DCC: variants seen among roughly 807,000 people sequenced by gnomAD.
DCC encodes netrin receptor DCC.
In DCC, 58 loss-of-function variants were observed where a neutral mutation model predicts 172.5. The observed-to-expected ratio is 0.34, with a 90% CI of 0.27 to 0.42. DCC has a LOEUF of 0.42. Ranked by LOEUF, DCC falls within the 10% of genes least tolerant of loss-of-function variation. DCC has a pLI of 1.00. For synonymous variants in DCC, 709 were observed against 644.5 expected (o/e 1.10, Z -1.52); for missense variants, 1,740 against 1,791.0 (o/e 0.97, Z 0.51).
At chr18:52,971,778 A>G (rs954112660) in intron 5 of DCC, among the ~76,000 whole-genome samples, 5 of 152,178 alleles carry the variant, frequency 3.3e-5, no homozygotes, top group Non-Finnish European at 7.3e-5. Flanking sequence ...GGCAGAGAGA[A>G]GTCAAGTTGT....
intron 5 of DCC, among the ~76,000 whole-genome samples, chr18:52,985,089 C>A (rs1394794917): frequency 6.6e-6 from 1 of 151,886 alleles, no homozygotes; most frequent in Non-Finnish European, 1.5e-5. Flanking sequence ...GGTTCTAATT[C>A]GTGTTGTTGA....
chr18:52,929,724 A>C (rs139165586), intron 5 of DCC, among the ~76,000 whole-genome samples: 12 of 152,098 alleles, frequency 7.9e-5, no homozygotes, highest in African/African-American at 2.6e-4. Flanking sequence ...TGACATGTTT[A>C]TGGTTTAAAA....
chr18:53,329,310 A>G lies in DCC; in HGVS notation c.2164+7153A>G, dbSNP rs2057505285. On this transcript the variant is annotated intron_variant, in intron 14 of 28. Coordinates refer to ENST00000442544, the MANE Select transcript of DCC (RefSeq NM_005215.4). ...TTGGCAAGAAAAACTTTAAAAATTC[A>G]TAACATTTTATTACAAAAGGAAAGA... 2.6e-5 allele frequency among the ~76,000 whole-genome samples: 4 copies of G among 152,230 alleles called. No homozygotes were observed. In the South Asian group the frequency reaches 8.3e-4, roughly 32 times the overall value.
intron 12 of DCC, among the ~76,000 whole-genome samples, chr18:53,232,876 C>T (rs140747868): frequency 3.3e-5 from 5 of 152,184 alleles, no homozygotes; most frequent in East Asian, 3.9e-4. Context: ...CTAATGTCTC[C>T]GCTCTCAATA....
chr18:52,765,032 C>A (rs1164502665), intron 2 of DCC, among the ~76,000 whole-genome samples: 4 of 133,846 alleles, frequency 3.0e-5, no homozygotes, highest in Non-Finnish European at 6.2e-5. Context: ...TCTTTTTTTT[C>A]TTTTTTTTTT....
At chr18:53,358,135 T>C (rs936831832) in intron 15 of DCC, among the ~76,000 whole-genome samples, 28 of 152,172 alleles carry the variant, frequency 1.8e-4, no homozygotes, top group African/African-American at 6.5e-4. Flanking sequence ...ATATGGAATC[T>C]AATGAATCCA....
At chr18:52,363,675 G>A (rs1173414743) in intron 1 of DCC, among the ~76,000 whole-genome samples, 9 of 152,168 alleles carry the variant, frequency 5.9e-5, no homozygotes, top group Admixed American at 5.9e-4. Context: ...ATATATTTAA[G>A]CCATTTTCAG....
intron 8 of DCC, among the ~76,000 whole-genome samples, chr18:53,159,057 T>C (rs1467094400): frequency 6.6e-6 from 1 of 151,416 alleles, no homozygotes; most frequent in African/African-American, 2.4e-5. Context: ...AGATTATTCA[T>C]TACTGTGAAG....
chr18:53,459,810 C>T (rs1034573058), intron 24 of DCC, among the ~76,000 whole-genome samples: 1 of 152,004 alleles, frequency 6.6e-6, no homozygotes, highest in Non-Finnish European at 1.5e-5. Flanking sequence ...AAATTTGAAG[C>T]CATCTGTACA....
At chr18:53,386,322 T>A (rs1459198054) in intron 16 of DCC, among the ~76,000 whole-genome samples, 184 bp downstream of exon 16, 1 of 152,210 alleles carries the variant, frequency 6.6e-6, no homozygotes, top group African/African-American at 2.4e-5. Flanking sequence ...CACATATGCA[T>A]GCATTTTTTT....
intron 15 of DCC, among the ~76,000 whole-genome samples, chr18:53,351,461 AGT>A (rs200958306): frequency 0.051 from 1,258 of 24,722 alleles, 112 homozygotes; most frequent in East Asian, 0.26. Flanking sequence ...ATATATACAC[AGT>A]GTGTATATAT....
intron 5 of DCC, among the ~76,000 whole-genome samples, chr18:52,942,011 T>G (rs2040472002): frequency 6.6e-6 from 1 of 152,068 alleles, no homozygotes; most frequent in Non-Finnish European, 1.5e-5. Flanking sequence ...TAGAACTTCT[T>G]ACCTCAGGTG....
intron 1 of DCC, among the ~76,000 whole-genome samples, chr18:52,634,915 T>G (rs2144887116): frequency 6.6e-6 from 1 of 152,308 alleles, no homozygotes; most frequent in East Asian, 1.9e-4. Flanking sequence ...TGGAAACTAC[T>G]CCAATAATTC....
chr18:53,039,773 G>C (rs1156305715), intron 5 of DCC, among the ~76,000 whole-genome samples: 1 of 151,956 alleles, frequency 6.6e-6, no homozygotes, highest in African/African-American at 2.4e-5. Context: ...TATAAAAACT[G>C]TCAAGTTCTA....
chr18:53,203,412 A>G (rs1047173757), intron 9 of DCC, among the ~76,000 whole-genome samples: 6 of 152,086 alleles, frequency 3.9e-5, no homozygotes, highest in Non-Finnish European at 8.8e-5. Context: ...AGAAGGAAAA[A>G]AAACACAGTA....
chr18:53,099,943 C>CTTTTTTTTTTTTTTT (rs533618559), intron 7 of DCC, among the ~76,000 whole-genome samples: 6 of 92,746 alleles, frequency 6.5e-5, no homozygotes, highest in African/African-American at 2.0e-4. Flanking sequence ...TTCTTTCTTT[C>CTTTTTTTTTTTTTTT]TTTTTTTTTT....
intron 1 of DCC, among the ~76,000 whole-genome samples, chr18:52,468,063 G>A (rs1988839076): frequency 6.6e-6 from 1 of 152,090 alleles, no homozygotes; most frequent in Non-Finnish European, 1.5e-5. Context: ...AATCAACTAA[G>A]TAATAGTTAT....
At chr18:53,313,310 A>C (rs2057304801) in intron 13 of DCC, among the ~76,000 whole-genome samples, 1 of 152,084 alleles carries the variant, frequency 6.6e-6, no homozygotes, top group African/African-American at 2.4e-5. Context: ...CAGCGGCACG[A>C]TCTCGTCTCA....
At chr18:53,471,637 T>C (rs953588971) in intron 25 of DCC, among the ~76,000 whole-genome samples, 2 of 152,196 alleles carry the variant, frequency 1.3e-5, no homozygotes, top group African/African-American at 2.4e-5. Flanking sequence ...TACAATCATG[T>C]AACCTTCCCC....
Sources: gnomAD v4.1 joint callset for allele counts (sites outside exome capture counted in the v4.1 genomes callset) on GRCh38, gnomAD v4.1.1 for gene constraint, MANE v1.5 for transcripts, NCBI Gene and HGNC (gene_info 2026-07-23, HGNC 2026-07-21) for gene names.